CDH18: variants seen among roughly 807,000 people sequenced by gnomAD.
The protein encoded by CDH18 is cadherin-18.
A neutral mutation model predicts 67.9 loss-of-function variants in CDH18; 31 were observed. The observed-to-expected ratio is 0.46, with a 90% CI of 0.34 to 0.62. CDH18 has a LOEUF of 0.62. CDH18 is among the 20% of genes least tolerant of loss of function. The pLI is 0.01. For synonymous variants in CDH18, 362 were observed against 347.2 expected (o/e 1.04, Z -0.48); for missense variants, 890 against 975.5 (o/e 0.91, Z 1.17).
intron 7 of CDH18, among the ~76,000 whole-genome samples, chr5:19,574,234 C>G (rs966761463): frequency 1.3e-5 from 2 of 152,182 alleles, no homozygotes; most frequent in Non-Finnish European, 2.9e-5. Context: ...AACCTACCTA[C>G]TGCTACGGTG....
intron 2 of CDH18, among the ~76,000 whole-genome samples, chr5:19,894,343 T>C (rs190426678): frequency 6.6e-6 from 1 of 152,232 alleles, no homozygotes; most frequent in East Asian, 1.9e-4. Context: ...AAACTCAGGA[T>C]ACTTTAACCA....
chr5:20,418,514 T>C (rs944825352), intron 1 of CDH18, among the ~76,000 whole-genome samples: 1 of 151,912 alleles, frequency 6.6e-6, no homozygotes. Flanking sequence ...GAGTGACATT[T>C]GCTACTAAAT....
intron 1 of CDH18, among the ~76,000 whole-genome samples, chr5:20,502,671 T>C (rs1372374321): frequency 6.6e-6 from 1 of 152,206 alleles, no homozygotes; most frequent in East Asian, 1.9e-4. Context: ...ATAAATATGA[T>C]CATGACATTG....
chr5:20,156,352 G>C (rs1751525466), intron 2 of CDH18, among the ~76,000 whole-genome samples: 1 of 152,084 alleles, frequency 6.6e-6, no homozygotes, highest in Admixed American at 6.6e-5. Context: ...CTGATGAATG[G>C]ATTTAAAAAC....
chr5:19,830,332 C>G (rs1359805305), intron 3 of CDH18, among the ~76,000 whole-genome samples: 1 of 151,902 alleles, frequency 6.6e-6, no homozygotes, highest in Non-Finnish European at 1.5e-5. Flanking sequence ...GAAAATTAAA[C>G]AAATTAGAAA....
chr5:20,423,750 C>T lies in CDH18; in HGVS notation c.-580+151712G>A, dbSNP rs562726743. ...CACGAGGTCAGAAGATCGAGACCATCCTGGCTAACACGGCGAAACTACGTC... is the reference window on the plus strand; with the variant it reads ...CACGAGGTCAGAAGATCGAGACCATTCTGGCTAACACGGCGAAACTACGTC... On this transcript the variant is annotated intron_variant, in intron 1 of 14. Coordinates refer to the CDH18 transcript ENST00000507958. Among the ~76,000 whole-genome samples, 13 of 150,282 alleles carry T rather than the reference C, an allele frequency of 8.7e-5. No homozygotes were observed. The South Asian group carries it at 2.7e-3, about 31-fold the overall frequency.
At chr5:20,432,718 T>C (rs544730491) in intron 1 of CDH18, among the ~76,000 whole-genome samples, 30 of 152,106 alleles carry the variant, frequency 2.0e-4, no homozygotes, top group African/African-American at 7.0e-4. Flanking sequence ...ACCAGTCATA[T>C]TGAATTACAG....
chr5:19,626,664 C>T (rs4441876), intron 5 of CDH18, among the ~76,000 whole-genome samples: 111,925 of 151,472 alleles, frequency 0.74, 41,525 homozygotes, highest in South Asian at 0.8. Flanking sequence ...GCTGCCCTCA[C>T]AACACTGACA....
At chr5:20,236,495 A>T (rs1742486201) in intron 2 of CDH18, among the ~76,000 whole-genome samples, 1 of 151,938 alleles carries the variant, frequency 6.6e-6, no homozygotes, top group Non-Finnish European at 1.5e-5. Context: ...AATTGCCAAT[A>T]TCAAGAATGA....
intron 3 of CDH18, among the ~76,000 whole-genome samples, chr5:19,775,466 A>G (rs1294257883): frequency 6.6e-6 from 1 of 152,020 alleles, no homozygotes; most frequent in Admixed American, 6.6e-5. Flanking sequence ...ATGCATCAAG[A>G]GGTTTACAGT....
At chr5:19,748,112 C>CAAAAAAAAAAAAAAAA (rs766955714) in intron 3 of CDH18, among the ~76,000 whole-genome samples, 568 of 14,850 alleles carry the variant, frequency 0.038, 249 homozygotes, top group Non-Finnish European at 0.06. Flanking sequence ...GACTCCATCT[C>CAAAAAAAAAAAAAAAA]AAAAAAAAAA....
chr5:19,590,495 T>TA, intron 7 of CDH18, among the ~76,000 whole-genome samples: 1 of 151,706 alleles, frequency 6.6e-6, no homozygotes, highest in Non-Finnish European at 1.5e-5. Flanking sequence ...GATAGATAGA[T>TA]AGATAGATAG....
intron 2 of CDH18, among the ~76,000 whole-genome samples, chr5:20,246,984 T>C (rs1743428068): frequency 6.6e-6 from 1 of 152,172 alleles, no homozygotes; most frequent in South Asian, 2.1e-4. Context: ...GCCACTCAGC[T>C]CTTTTCCTCA....
chr5:19,846,394 A>G (rs531401928), intron 2 of CDH18, among the ~76,000 whole-genome samples: 1 of 152,186 alleles, frequency 6.6e-6, no homozygotes, highest in African/African-American at 2.4e-5. Context: ...TTTGTCTTTT[A>G]CCTTCATACC....
At chr5:19,540,628 A>G (rs889034194) in intron 9 of CDH18, among the ~76,000 whole-genome samples, 3 of 151,912 alleles carry the variant, frequency 2.0e-5, no homozygotes, top group Non-Finnish European at 4.4e-5. Context: ...ACTTCTATCT[A>G]CCCTCAGGCT....
chr5:19,554,898 GA>G (rs140408509), intron 8 of CDH18, among the ~76,000 whole-genome samples: 3 of 151,758 alleles, frequency 2.0e-5, no homozygotes, highest in African/African-American at 4.8e-5. Context: ...ATCTAAGGGG[GA>G]AAAAAAGCAA....
chr5:20,191,692 T>C (rs899836459), intron 2 of CDH18, among the ~76,000 whole-genome samples: 1 of 152,186 alleles, frequency 6.6e-6, no homozygotes, highest in South Asian at 2.1e-4. Flanking sequence ...CATGACCTCA[T>C]TCATTTTTAC....
intron 2 of CDH18, among the ~76,000 whole-genome samples, chr5:20,252,503 A>C (rs749652948): frequency 1.1e-4 from 17 of 152,234 alleles, no homozygotes; most frequent in Admixed American, 3.9e-4. Context: ...CATTATCAGT[A>C]AAACAGATTT....
intron 2 of CDH18, chr5:19,878,073 G>T (rs1481665030): frequency 6.6e-6 from 1 of 152,054 alleles, no homozygotes; most frequent in Admixed American, 6.6e-5. Context: ...GGTTCAATAT[G>T]TTCCCATTTT....
Sources: allele counts gnomAD v4.1 joint callset (sites outside exome capture counted in the v4.1 genomes callset), GRCh38; gene constraint gnomAD v4.1.1; transcripts MANE v1.5; gene names NCBI Gene and HGNC (gene_info 2026-07-23, HGNC 2026-07-21).